The following KHDRBS2 variants were observed in gnomAD, a reference collection of about 807,000 sequenced individuals.
KHDRBS2 encodes the protein KH domain-containing, RNA-binding, signal transduction-associated protein 2.
KHDRBS2 carries 26 observed loss-of-function variants against 44.3 expected under a neutral mutation model. That is an observed-to-expected ratio of 0.59 (90% confidence interval 0.43 to 0.81). The LOEUF is 0.81. Among genes scored for constraint, KHDRBS2 ranks in the 40% least tolerant of loss-of-function variants. KHDRBS2 has a pLI of 0.00. For synonymous variants in KHDRBS2, 194 were observed against 151.1 expected, an observed-to-expected ratio of 1.28 and a Z score of -2.08; for missense variants, 476 against 433.1, an observed-to-expected ratio of 1.10 and a Z score of -0.88.
intron 6 of KHDRBS2, among the ~76,000 whole-genome samples, chr6:61,768,487 C>T (rs1033761864): frequency 6.6e-6 from 1 of 152,054 alleles, no homozygotes; most frequent in Non-Finnish European, 1.5e-5. Context: ...GCCAATATCT[C>T]TTAGATTTGC....
intron 2 of KHDRBS2, among the ~76,000 whole-genome samples, chr6:62,174,811 A>G (rs1422294500): frequency 6.6e-6 from 1 of 151,824 alleles, no homozygotes; most frequent in Non-Finnish European, 1.5e-5. Flanking sequence ...GGCCCCCTGA[A>G]GGATAAATCA....
At chr6:62,005,694 T>C (rs1412763541) in intron 3 of KHDRBS2, among the ~76,000 whole-genome samples, 1 of 151,526 alleles carries the variant, frequency 6.6e-6, no homozygotes, top group Admixed American at 6.6e-5. Flanking sequence ...CTTGAAATTG[T>C]GAATAAAGAA....
At chr6:61,998,098 T>C (rs1182476533) in intron 3 of KHDRBS2, among the ~76,000 whole-genome samples, 1 of 152,110 alleles carries the variant, frequency 6.6e-6, no homozygotes, top group Non-Finnish European at 1.5e-5. Flanking sequence ...CACACAGTGG[T>C]ACTGGAAATA....
At chr6:62,255,977 A>C (rs558581868) in intron 1 of KHDRBS2, among the ~76,000 whole-genome samples, 1 of 151,860 alleles carries the variant, frequency 6.6e-6, no homozygotes, top group East Asian at 2.0e-4. Flanking sequence ...ACTAAAAAAA[A>C]AATAAAAATT....
chr6:61,881,914 G>T (rs1052609663), intron 6 of KHDRBS2, among the ~76,000 whole-genome samples: 141 of 152,096 alleles, frequency 9.3e-4, no homozygotes, highest in African/African-American at 3.3e-3. Flanking sequence ...GGCATATATT[G>T]TAGCTATATT....
chr6:61,580,622 C>T, the KHDRBS2 span, among the ~76,000 whole-genome samples: 22 of 151,954 alleles, frequency 1.4e-4, no homozygotes, highest in African/African-American at 2.9e-4. Context: ...AGCGAGACCA[C>T]GAACCCACTG....
At chr6:62,275,337 C>T (rs896190179) in intron 1 of KHDRBS2, among the ~76,000 whole-genome samples, 1 of 152,058 alleles carries the variant, frequency 6.6e-6, no homozygotes, top group Non-Finnish European at 1.5e-5. Flanking sequence ...TAAAGGCCCC[C>T]TTTTCCACAA....
In KHDRBS2 at chr6:61,971,944, G is replaced by A. The variant is rs191391596; in HGVS notation, c.483+6122C>T. On this transcript the variant is annotated intron_variant, in intron 4 of 8. Transcript: ENST00000281156. ...GTCAGTGGCTCATGTACCATACATTGCTAGAATTGTGCCTGGCATATATTT... is the reference window on the plus strand; with the variant it reads ...GTCAGTGGCTCATGTACCATACATTACTAGAATTGTGCCTGGCATATATTT... Among the ~76,000 whole-genome samples the A allele has an allele frequency of 2.8e-4, 42 of 152,188 alleles. 1 individual carries two copies. The East Asian group carries it at 7.0e-3, about 25-fold the overall frequency.
intron 1 of KHDRBS2, among the ~76,000 whole-genome samples, chr6:62,201,208 C>T (rs564569571): frequency 6.6e-6 from 1 of 151,904 alleles, no homozygotes; most frequent in South Asian, 2.1e-4. Flanking sequence ...ATGTTGTGCA[C>T]ATGTACCCTA....
intron 2 of KHDRBS2, among the ~76,000 whole-genome samples, chr6:62,105,948 A>G (rs1398370879): frequency 6.6e-5 from 10 of 152,108 alleles, no homozygotes; most frequent in Non-Finnish European, 1.5e-4. Flanking sequence ...CACTGTTTTG[A>G]ATGTGTCCCA....
chr6:61,769,376 G>A (rs1780485990), intron 6 of KHDRBS2, among the ~76,000 whole-genome samples: 1 of 152,152 alleles, frequency 6.6e-6, no homozygotes, highest in Non-Finnish European at 1.5e-5. Flanking sequence ...CACCTCACCT[G>A]GAAAGCACAA....
At chr6:62,118,849 C>A (rs1175179002) in intron 2 of KHDRBS2, among the ~76,000 whole-genome samples, 1 of 152,208 alleles carries the variant, frequency 6.6e-6, no homozygotes, top group East Asian at 1.9e-4. Flanking sequence ...GGCCTTCAGC[C>A]ACAGACTGAA....
chr6:62,279,529 C>T lies in KHDRBS2; in HGVS notation c.91+6329G>A, dbSNP rs59103553. ...TCAAAGACAGAAGTCATAGTATGGC[C>T]CTCAAGCTTAGAGGGGGAGACAACC... On this transcript the variant is annotated intron_variant, in intron 1 of 8. Coordinates refer to ENST00000281156, the MANE Select transcript of KHDRBS2 (RefSeq NM_152688.4). Among the ~76,000 whole-genome samples, 939 of 152,096 alleles carry T rather than the reference C, an allele frequency of 6.2e-3. 8 individuals are homozygous for T. The highest frequency in any genetic ancestry group is 0.022 in the African/African-American group (908 of 41,480).
intron 2 of KHDRBS2, among the ~76,000 whole-genome samples, chr6:62,133,879 G>T (rs560270928): frequency 6.6e-6 from 1 of 152,224 alleles, no homozygotes; most frequent in East Asian, 1.9e-4. Context: ...GATGATTTAG[G>T]GTATCCGGTG....
At chr6:62,142,375 C>T (rs1813013389) in intron 2 of KHDRBS2, among the ~76,000 whole-genome samples, 1 of 152,046 alleles carries the variant, frequency 6.6e-6, no homozygotes, top group Non-Finnish European at 1.5e-5. Flanking sequence ...CTGGAGTGTA[C>T]AACTGTACAA....
chr6:61,863,986 T>C (rs376591878), intron 6 of KHDRBS2, among the ~76,000 whole-genome samples: 2 of 152,320 alleles, frequency 1.3e-5, no homozygotes, highest in South Asian at 2.1e-4. Flanking sequence ...TGAGTGCATA[T>C]ATATTTAAGA....
At position 61,709,872 on chromosome 6, in the gene KHDRBS2, T is replaced by A. The variant is rs949053328; in HGVS notation, c.894-12619A>T. Reference sequence around the variant, plus strand: ...TCTTTGGCTGTCACAATTCATGAGTTGTCAGTAGGATTTCAGTGCTGTAAA... The same window carrying A: ...TCTTTGGCTGTCACAATTCATGAGTAGTCAGTAGGATTTCAGTGCTGTAAA... On this transcript the variant is annotated intron_variant, in intron 7 of 8. Coordinates refer to ENST00000281156, the MANE Select transcript of KHDRBS2 (RefSeq NM_152688.4). Among the ~76,000 whole-genome samples, 4 of 151,704 alleles carry A rather than the reference T, an allele frequency of 2.6e-5. No homozygotes were observed. In the East Asian group the frequency reaches 7.8e-4, roughly 29 times the overall value.
the KHDRBS2 span, among the ~76,000 whole-genome samples, chr6:61,609,406 A>G: frequency 6.6e-6 from 1 of 152,174 alleles, no homozygotes; most frequent in Non-Finnish European, 1.5e-5. Context: ...TTTCAAAAAG[A>G]GTAACTATAA....
At chr6:61,842,989 T>A (rs1247896410) in intron 6 of KHDRBS2, among the ~76,000 whole-genome samples, 1 of 136,740 alleles carries the variant, frequency 7.3e-6, no homozygotes, top group Non-Finnish European at 1.7e-5. Flanking sequence ...ACATTTTATA[T>A]TGTTCAGCCA....
Sources: allele counts gnomAD v4.1 joint callset (sites outside exome capture counted in the v4.1 genomes callset), GRCh38; gene constraint gnomAD v4.1.1; transcripts MANE v1.5; gene names NCBI Gene and HGNC (gene_info 2026-07-23, HGNC 2026-07-21).